NEO1: variants seen among roughly 807,000 people sequenced by gnomAD.
The protein encoded by NEO1 is neogenin.
A neutral mutation model predicts 159.7 loss-of-function variants in NEO1; 63 were observed. The observed-to-expected ratio is 0.39, with a 90% CI of 0.32 to 0.49. The LOEUF is 0.49. Among genes scored for constraint, NEO1 ranks in the 20% least tolerant of loss-of-function variants. The pLI is 0.85. For missense variants in NEO1, 1,615 were observed against 1,831.0 expected, an observed-to-expected ratio of 0.88 and a Z score of 2.15; for synonymous variants, 633 against 662.0, an observed-to-expected ratio of 0.96 and a Z score of 0.67.
At chr15:73,103,133 A>G (rs1296743823) in intron 1 of NEO1, among the ~76,000 whole-genome samples, 1 of 152,144 alleles carries the variant, frequency 6.6e-6, no homozygotes, top group Non-Finnish European at 1.5e-5. Context: ...GTAGGTTTCA[A>G]CTGAGATTAC....
intron 7 of NEO1, among the ~76,000 whole-genome samples, chr15:73,182,308 A>G (rs1008665189): frequency 3.3e-5 from 5 of 152,108 alleles, no homozygotes; most frequent in African/African-American, 7.2e-5. Context: ...GAATGGTGAC[A>G]CCTTTACAAA....
chr15:73,200,971 C>G (rs139999613), intron 7 of NEO1, among the ~76,000 whole-genome samples: 1 of 152,032 alleles, frequency 6.6e-6, no homozygotes, highest in Non-Finnish European at 1.5e-5. Context: ...CATGAACCAG[C>G]GGGCCTGGCC....
chr15:73,271,906 C>CAAA (rs57979197), intron 18 of NEO1, among the ~76,000 whole-genome samples: 1 of 92,556 alleles, frequency 1.1e-5, no homozygotes, highest in African/African-American at 3.9e-5. Flanking sequence ...GACTCCATCT[C>CAAA]AAAAAAAAAA....
At chr15:73,106,000 T>C (rs1450126636) in intron 1 of NEO1, among the ~76,000 whole-genome samples, 1 of 152,194 alleles carries the variant, frequency 6.6e-6, no homozygotes, top group African/African-American at 2.4e-5. Context: ...TCATCAGTAA[T>C]GAATCAGTTA....
intron 1 of NEO1, among the ~76,000 whole-genome samples, chr15:73,100,129 T>C (rs2070317227): frequency 6.6e-6 from 1 of 152,110 alleles, no homozygotes; most frequent in South Asian, 2.1e-4. Flanking sequence ...TTCTCTTCCA[T>C]GCCATTTCAA....
chr15:73,161,583 G>A (rs2034183273), intron 5 of NEO1, among the ~76,000 whole-genome samples: 1 of 152,138 alleles, frequency 6.6e-6, no homozygotes, highest in African/African-American at 2.4e-5. Flanking sequence ...CAAGCAAAGG[G>A]TGGATTTCCA....
chr15:73,298,192 T>C, intron 26 of NEO1, 156 bp from the exon 27 acceptor site: 2 of 851,130 alleles, frequency 2.3e-6, no homozygotes, highest in Non-Finnish European at 3.6e-6. Flanking sequence ...TCCATTCTTA[T>C]CCCTGGCAGT....
intron 1 of NEO1, among the ~76,000 whole-genome samples, chr15:73,093,381 G>A (rs1446277141): frequency 7.2e-5 from 11 of 152,096 alleles, no homozygotes; most frequent in Admixed American, 7.2e-4. Context: ...GTTCTCCCTC[G>A]TAGAGGGTGG....
chr15:73,103,320 G>A (rs1373846482), intron 1 of NEO1, among the ~76,000 whole-genome samples: 4 of 152,170 alleles, frequency 2.6e-5, no homozygotes, highest in Non-Finnish European at 4.4e-5. Context: ...TTAGCTTAAT[G>A]TATGAAATCG....
chr15:73,233,441 A>C (rs144726904), intron 7 of NEO1, among the ~76,000 whole-genome samples: 3,181 of 152,276 alleles, frequency 0.021, 121 homozygotes, highest in African/African-American at 0.073. Context: ...TTCTAGAAAC[A>C]TTGTCTTCAT....
At position 73,193,688 on chromosome 15, in the gene NEO1, C is replaced by T. The variant is rs80073889; in HGVS notation, c.1291+15261C>T. On this transcript the variant is annotated intron_variant, in intron 7 of 28. Coordinates refer to ENST00000261908, the MANE Select transcript of NEO1 (RefSeq NM_002499.4). ...AGTATCTGGTTGTGGACAACATATT[C>T]CATGGTCACCCCAATTGTTGCTAAT... Among the ~76,000 whole-genome samples the T allele has an allele frequency of 7.3e-4, 110 of 150,286 alleles. 1 individual carries two copies. Among genetic ancestry groups the T allele is most frequent in the African/African-American group, 2.6e-3 (106 of 40,752 alleles).
At chr15:73,074,970 A>G (rs374033791) in intron 1 of NEO1, among the ~76,000 whole-genome samples, 16 of 152,334 alleles carry the variant, frequency 1.1e-4, no homozygotes, top group African/African-American at 3.1e-4. Context: ...AGTGCCTGGC[A>G]TATAATGTGT....
At position 73,176,499 on chromosome 15, in the gene NEO1, C is replaced by T. The variant is rs149313472; in HGVS notation, c.1112C>T (p.Thr371Ile). 1,361 of 1,611,472 alleles carry T rather than the reference C, an allele frequency of 8.4e-4. 2 individuals are homozygous for T. Among genetic ancestry groups the T allele is most frequent in the Non-Finnish European group, 1.1e-3 (1,277 of 1,178,636 alleles). The change falls in exon 6 of 29, where the codon ACT (threonine) becomes ATT (isoleucine). Residue 371 changes from threonine to isoleucine, a missense_variant. This residue lies in a region of NEO1 where 1,018 missense variants were observed against 1,115.4 expected (regional missense o/e 0.91). Coordinates refer to ENST00000261908, the MANE Select transcript of NEO1 (RefSeq NM_002499.4). ...ECEVTGKPTP[T>I]VKWVKNGDMV... ...GAAGTGACTGGAAAACCAACTCCAA[C>T]TGTGAAGTGGGTCAAAAATGGGGAT...
rs765521123 is a variant in NEO1, at chr15:73,116,496, A to C, written c.131-44A>C. On this transcript the variant is annotated intron_variant, in intron 1 of 28. Coordinates refer to ENST00000261908, the MANE Select transcript of NEO1 (RefSeq NM_002499.4). ...TAATATATTTTCTGACAAATAATAG[A>C]AGAGAGATTTGCTTAACTTTGTTCT... is the stretch of plus-strand genomic sequence containing the variant. 13 of 1,458,152 alleles carry C rather than the reference A, an allele frequency of 8.9e-6. No individual in the cohort carries two copies. The South Asian group carries it at 2.0e-4, about 22-fold the overall frequency. The allele number at this position is 1,458,152 out of a possible 1,614,324, so 90.3% of individuals were successfully genotyped here. A position where few individuals can be genotyped will look rare whatever the true frequency, so the allele number is the denominator to read the frequency against.
chr15:73,189,502 G>A (rs963234340), intron 7 of NEO1, among the ~76,000 whole-genome samples: 38 of 152,190 alleles, frequency 2.5e-4, no homozygotes, highest in Admixed American at 1.4e-3. Flanking sequence ...ATTGAAAAAC[G>A]AAATCAATCT....
At chr15:73,284,311 A>G (rs963736053) in intron 23 of NEO1, among the ~76,000 whole-genome samples, 3 of 152,340 alleles carry the variant, frequency 2.0e-5, no homozygotes, top group South Asian at 2.1e-4. Flanking sequence ...GTGATTATCC[A>G]TGCAGACTTG....
At chr15:73,140,548 C>T (rs2032278975) in intron 5 of NEO1, among the ~76,000 whole-genome samples, 1 of 151,956 alleles carries the variant, frequency 6.6e-6, no homozygotes, top group South Asian at 2.1e-4. Flanking sequence ...AAAGCAAAAC[C>T]ATCTCTAAAA....
intron 23 of NEO1, among the ~76,000 whole-genome samples, 188 bp from the exon 24 acceptor site, chr15:73,288,125 A>T (rs1019298247): frequency 1.3e-5 from 2 of 152,224 alleles, no homozygotes; most frequent in Admixed American, 6.5e-5. Context: ...AAATAGAGAT[A>T]CATTTACTCT....
chr15:73,147,173 T>G (rs755389980), intron 5 of NEO1, among the ~76,000 whole-genome samples: 4 of 152,200 alleles, frequency 2.6e-5, no homozygotes, highest in African/African-American at 7.2e-5. Context: ...TGTGGTGGTG[T>G]TGTGAGGAAT....
Sources: gnomAD v4.1 joint callset for allele counts (sites outside exome capture counted in the v4.1 genomes callset) on GRCh38, gnomAD v4.1.1 for gene constraint, gnomAD v4.1.1 regional missense constraint, MANE v1.5 for transcripts, NCBI Gene and HGNC (gene_info 2026-07-23, HGNC 2026-07-21) for gene names.